Variants in ASIC2 observed in about 807,000 individuals in gnomAD.
ASIC2 encodes acid-sensing ion channel 2.
ASIC2 carries 25 observed loss-of-function variants against 57.3 expected under a neutral mutation model. That is an observed-to-expected ratio of 0.44 (90% CI 0.32 to 0.61). The LOEUF (loss-of-function observed/expected upper bound fraction) is 0.61, where lower values mean the gene tolerates loss of function less well. Ranked by LOEUF, ASIC2 falls within the 20% of genes least tolerant of loss-of-function variation. The probability of loss-of-function intolerance (pLI) is 0.06; values close to 1 mark genes in which losing one functional copy is unlikely to be tolerated. For synonymous variants in ASIC2, 319 were observed against 307.5 expected (o/e 1.04, Z -0.39); for missense variants, 641 against 738.1 (o/e 0.87, Z 1.52).
intron 1 of ASIC2, among the ~76,000 whole-genome samples, chr17:33,599,350 C>T (rs1426001965): frequency 2.6e-5 from 4 of 152,030 alleles, no homozygotes; most frequent in Non-Finnish European, 5.9e-5. Context: ...AGAAAAGGAG[C>T]CTGATGAGGT....
chr17:33,493,031 G>A (rs1004447515), intron 1 of ASIC2, among the ~76,000 whole-genome samples: 2 of 152,228 alleles, frequency 1.3e-5, no homozygotes, highest in Non-Finnish European at 2.9e-5. Context: ...CAAATGAGCA[G>A]TTATAGAAAT....
At chr17:34,140,207 G>A (rs746226942) in intron 1 of ASIC2, among the ~76,000 whole-genome samples, 17 of 152,124 alleles carry the variant, frequency 1.1e-4, no homozygotes, top group South Asian at 2.1e-4. Context: ...ATAGGAAGAC[G>A]GGCGCCATTC....
At chr17:33,456,763 G>A (rs1298984881) in intron 1 of ASIC2, among the ~76,000 whole-genome samples, 1 of 152,178 alleles carries the variant, frequency 6.6e-6, no homozygotes, top group Non-Finnish European at 1.5e-5. Context: ...GTAGAAAAAC[G>A]GAGAGGGCTT....
intron 1 of ASIC2, chr17:33,827,698 A>ATT: frequency 6.6e-6 from 1 of 150,434 alleles, no homozygotes; most frequent in Non-Finnish European, 1.5e-5. Flanking sequence ...TTACTACAGT[A>ATT]TTTTTTTTTC....
intron 3 of ASIC2, among the ~76,000 whole-genome samples, chr17:33,035,723 C>A (rs2091906341): frequency 2.0e-5 from 3 of 152,188 alleles, no homozygotes; most frequent in Admixed American, 2.0e-4. Flanking sequence ...ATGGCAGCAA[C>A]TGAAATTACT....
intron 1 of ASIC2, among the ~76,000 whole-genome samples, chr17:33,466,247 A>G (rs1243717412): frequency 6.6e-6 from 1 of 152,208 alleles, no homozygotes; most frequent in East Asian, 1.9e-4. Flanking sequence ...CAATTGCTAC[A>G]AAGGAAATAA....
intron 1 of ASIC2, among the ~76,000 whole-genome samples, chr17:33,663,593 T>C (rs766176834): frequency 3.3e-5 from 5 of 152,202 alleles, no homozygotes; most frequent in Non-Finnish European, 4.4e-5. Flanking sequence ...ATTTTGAAAG[T>C]CTTCCCTGTG....
At chr17:34,085,485 T>G (rs1224328752) in intron 1 of ASIC2, among the ~76,000 whole-genome samples, 2 of 152,240 alleles carry the variant, frequency 1.3e-5, no homozygotes, top group Non-Finnish European at 2.9e-5. Context: ...TCAAGGATAT[T>G]GGTCTAAAAT....
chr17:33,900,092 C>A (rs1039491708), intron 1 of ASIC2, among the ~76,000 whole-genome samples: 3 of 152,240 alleles, frequency 2.0e-5, no homozygotes, highest in Admixed American at 6.5e-5. Context: ...CTAAGTGACA[C>A]ATGGTAACCG....
chr17:34,062,410 A>G (rs117971411), intron 1 of ASIC2, among the ~76,000 whole-genome samples: 3,100 of 152,274 alleles, frequency 0.02, 56 homozygotes, highest in Middle Eastern at 0.034. Flanking sequence ...CTAAATGCCT[A>G]CATCAAAAAT....
intron 1 of ASIC2, among the ~76,000 whole-genome samples, chr17:33,339,790 T>A (rs1233792025): frequency 6.6e-6 from 1 of 152,292 alleles, no homozygotes; most frequent in South Asian, 2.1e-4. Flanking sequence ...CTGTACCACT[T>A]TGACATCTTT....
At chr17:33,780,224 G>A (rs1458786787) in intron 1 of ASIC2, among the ~76,000 whole-genome samples, 2 of 152,054 alleles carry the variant, frequency 1.3e-5, no homozygotes, top group Non-Finnish European at 2.9e-5. Flanking sequence ...TCCTGCCTTG[G>A]CTTCCCAAAG....
intron 1 of ASIC2, among the ~76,000 whole-genome samples, chr17:33,214,836 A>T (rs1449611161): frequency 1.3e-5 from 2 of 152,228 alleles, no homozygotes; most frequent in Non-Finnish European, 2.9e-5. Context: ...GGGTGAAAGT[A>T]GCCACCTTCT....
rs958336660 is a variant in ASIC2 at position 33,428,728 on chromosome 17, G to T, written c.556-316661C>A. ...CCACCTTTGGAATGCAGGTGTGCCG[G>T]ATGCCCACTTCTCCACTGACGGACA... On this transcript the variant is annotated intron_variant, in intron 1 of 9. Coordinates refer to the ASIC2 transcript ENST00000359872. Among the ~76,000 whole-genome samples the T allele has an allele frequency of 3.9e-5, 6 of 152,216 alleles. 1 individual carries two copies. Among genetic ancestry groups the T allele is most frequent in the Admixed American group, 3.9e-4 (6 of 15,294 alleles).
At chr17:34,076,596 T>G (rs1410471090) in intron 1 of ASIC2, among the ~76,000 whole-genome samples, 1 of 152,210 alleles carries the variant, frequency 6.6e-6, no homozygotes, top group Non-Finnish European at 1.5e-5. Context: ...ACATAATTGT[T>G]GTTATGAAGA....
intron 1 of ASIC2, among the ~76,000 whole-genome samples, chr17:33,637,596 C>G (rs1480053137): frequency 6.6e-6 from 1 of 152,186 alleles, no homozygotes; most frequent in Non-Finnish European, 1.5e-5. Flanking sequence ...AACAGCCACA[C>G]ATATACACCT....
At chr17:33,996,706 T>C (rs978438533) in intron 1 of ASIC2, among the ~76,000 whole-genome samples, 2 of 152,212 alleles carry the variant, frequency 1.3e-5, no homozygotes, top group African/African-American at 2.4e-5. Flanking sequence ...TTCTGTTACA[T>C]TGGTTTAGAT....
intron 2 of ASIC2, among the ~76,000 whole-genome samples, chr17:33,098,034 A>G (rs1046035653): frequency 1.3e-5 from 2 of 152,120 alleles, no homozygotes; most frequent in African/African-American, 4.8e-5. Context: ...TAGTCCCACT[A>G]CCTAATTGCC....
At chr17:33,447,061 C>T (rs1288981517) in intron 1 of ASIC2, among the ~76,000 whole-genome samples, 1 of 152,218 alleles carries the variant, frequency 6.6e-6, no homozygotes, top group African/African-American at 2.4e-5. Flanking sequence ...AACAGCTAAA[C>T]AAATTTATGG....
Sources: gnomAD v4.1 joint callset for allele counts (sites outside exome capture counted in the v4.1 genomes callset) on GRCh38, gnomAD v4.1.1 for gene constraint, MANE v1.5 for transcripts, NCBI Gene and HGNC (gene_info 2026-07-23, HGNC 2026-07-21) for gene names.